Variants in LAMA1 observed in about 807,000 individuals in gnomAD.
LAMA1 encodes laminin subunit alpha 1, also known as laminin subunit alpha-1.
A neutral mutation model predicts 348.7 loss-of-function variants in LAMA1; 219 were observed. The ratio of observed to expected loss-of-function variants is 0.63; its 90% CI spans 0.56 to 0.70. The LOEUF is 0.70. LAMA1 is among the 30% of genes least tolerant of loss of function. The pLI, the probability that LAMA1 is intolerant of heterozygous loss-of-function variation, is 0.00. For synonymous variants in LAMA1, 1,487 were observed against 1,491.0 expected (o/e 1.00, Z 0.06); for missense variants, 3,744 against 3,888.0 (o/e 0.96, Z 0.99).
intron 53 of LAMA1, 96 bp downstream of exon 53, chr18:6,961,490 G>A (rs1390246986): frequency 1.3e-5 from 18 of 1,422,430 alleles, no homozygotes; most frequent in African/African-American, 5.7e-5. Flanking sequence ...CCAGGAACAC[G>A]GTGACAATAA....
chr18:6,970,986 T>G (rs1658620990), intron 48 of LAMA1, among the ~76,000 whole-genome samples: 1 of 152,146 alleles, frequency 6.6e-6, no homozygotes, highest in African/African-American at 2.4e-5. Flanking sequence ...AATGACAAAA[T>G]GAAAAATTCA....
chr18:7,092,744 T>C (rs2058244485), intron 1 of LAMA1, among the ~76,000 whole-genome samples: 1 of 152,110 alleles, frequency 6.6e-6, no homozygotes, highest in Non-Finnish European at 1.5e-5. Context: ...TTGTCAAAAA[T>C]GATCTTTCTC....
intron 55 of LAMA1, chr18:6,956,981 C>T (rs2057581993): frequency 5.4e-6 from 3 of 557,862 alleles, no homozygotes; most frequent in East Asian, 3.5e-5. Flanking sequence ...TGGCACCCAG[C>T]CTAGCATATC....
At chr18:7,042,390 T>G in intron 8 of LAMA1, 140 bp from the exon 9 acceptor site, 1 of 663,988 alleles carries the variant, frequency 1.5e-6, no homozygotes, top group East Asian at 2.9e-5. Flanking sequence ...GGGTTAGGTT[T>G]GAGGAAGATA....
chr18:7,098,400 T>G (rs1404530926), intron 1 of LAMA1, among the ~76,000 whole-genome samples: 1 of 146,264 alleles, frequency 6.8e-6, no homozygotes, highest in Non-Finnish European at 1.5e-5. Context: ...ACCTAGGAAG[T>G]GAGGAGCACC....
At chr18:7,006,061 C>T (rs867074158) in intron 29 of LAMA1, among the ~76,000 whole-genome samples, 26 of 152,264 alleles carry the variant, frequency 1.7e-4, no homozygotes, top group African/African-American at 5.5e-4. Context: ...TTACCCAAGG[C>T]GAGTTAATCT....
chr18:7,082,348 G>A (rs1306627229), intron 1 of LAMA1, among the ~76,000 whole-genome samples: 1 of 151,792 alleles, frequency 6.6e-6, no homozygotes, highest in Non-Finnish European at 1.5e-5. Context: ...TCATATCCCT[G>A]TAAAGGGACT....
At chr18:7,055,249 G>T (rs568509706) in intron 3 of LAMA1, among the ~76,000 whole-genome samples, 1 of 151,742 alleles carries the variant, frequency 6.6e-6, no homozygotes, top group East Asian at 1.9e-4. Context: ...TCAGGAGTTC[G>T]AGACCAGCCT....
intron 27 of LAMA1, among the ~76,000 whole-genome samples, 173 bp downstream of exon 27, chr18:7,009,065 TA>T: frequency 6.6e-6 from 1 of 152,218 alleles, no homozygotes; most frequent in Non-Finnish European, 1.5e-5. Flanking sequence ...GTGGATACTT[TA>T]AGTTATAATT....
At chr18:7,097,905 G>C (rs1242364615) in intron 1 of LAMA1, among the ~76,000 whole-genome samples, 1 of 149,770 alleles carries the variant, frequency 6.7e-6, no homozygotes, top group African/African-American at 2.4e-5. Context: ...TCCCTCTCAT[G>C]CTGAGCCGAA....
chr18:7,049,773 G>A (rs2058055548), intron 4 of LAMA1, among the ~76,000 whole-genome samples: 1 of 152,094 alleles, frequency 6.6e-6, no homozygotes, highest in South Asian at 2.1e-4. Flanking sequence ...TCAGTTTATT[G>A]AAGGTATCTA....
chr18:6,947,692 T>C (rs995734588), intron 60 of LAMA1, among the ~76,000 whole-genome samples: 11 of 152,156 alleles, frequency 7.2e-5, no homozygotes, highest in African/African-American at 2.7e-4. Flanking sequence ...TCTGTGTACT[T>C]GTGGGAATCA....
rs556608184 is a variant in LAMA1, at chr18:6,949,499, T to A, written c.8398-240A>T. Among the ~76,000 whole-genome samples the A allele has an allele frequency of 1.4e-4, 22 of 152,292 alleles. 1 individual carries two copies. In the East Asian group the frequency reaches 4.2e-3, roughly 29 times the overall value. ...CTGTAACAGTGAAAGAAATCTGACA[T>A]AGAAAAATGACAGCAAGAGGAATCT... is the stretch of plus-strand genomic sequence containing the variant. On this transcript the variant is annotated intron_variant, in intron 58 of 62. Transcript: ENST00000389658.
intron 58 of LAMA1, among the ~76,000 whole-genome samples, chr18:6,950,059 G>A (rs1278654657): frequency 6.6e-6 from 1 of 152,094 alleles, no homozygotes; most frequent in African/African-American, 2.4e-5. Context: ...ACTGGCATTT[G>A]AGATATTTTT....
At position 7,049,184 on chromosome 18, in the gene LAMA1, G is replaced by A. The variant is rs1242933232; in HGVS notation, c.662C>T (p.Ala221Val). 1 of 1,614,148 alleles carries A rather than the reference G, an allele frequency of 6.2e-7. No individual in the cohort carries two copies. Among genetic ancestry groups the A allele is most frequent in the Non-Finnish European group, 8.5e-7 (1 of 1,179,986 alleles). ...TTGCAAGCGAAGGCGAATATATCGTGCAGAAGTGAATTCCAACAACTTGGG... is the reference window on the plus strand; with the variant it reads ...TTGCAAGCGAAGGCGAATATATCGTACAGAAGTGAATTCCAACAACTTGGG... ...LSPKLLEFTSARYIRLRLQRI... is the reference protein window; with the variant it reads ...LSPKLLEFTSVRYIRLRLQRI... Residue 221 changes from alanine (A) to valine (V), a missense_variant, in exon 5 of 63, where the codon GCA becomes GTA. This residue lies in a region of LAMA1 where 1,529 missense variants were observed against 1,689.4 expected (regional missense o/e 0.91). Transcript: ENST00000389658.
At chr18:6,970,068 G>A (rs958855511) in intron 48 of LAMA1, among the ~76,000 whole-genome samples, 2 of 152,176 alleles carry the variant, frequency 1.3e-5, no homozygotes, top group African/African-American at 4.8e-5. Context: ...GAGTCTAGGG[G>A]TCGGGGTGTT....
chr18:6,951,089 G>A (rs1452171799), intron 57 of LAMA1, 118 bp from the exon 58 acceptor site: 4 of 870,692 alleles, frequency 4.6e-6, no homozygotes, highest in South Asian at 2.9e-5. Context: ...AGGAGAGAGG[G>A]GTATTCATTC....
At chr18:6,993,995 T>C (rs969478782) in intron 34 of LAMA1, among the ~76,000 whole-genome samples, 5 of 152,210 alleles carry the variant, frequency 3.3e-5, no homozygotes, top group Admixed American at 1.3e-4. Context: ...GGTATGTTTT[T>C]AAAAGCAGGC....
Position 6,985,717 on chromosome 18 carries a change from C to T in LAMA1, c.5380-74G>A, listed in dbSNP as rs565712933. 8.0e-4 allele frequency: 731 copies of T among 908,344 alleles called. 7 individuals carry two copies. In the South Asian group the frequency reaches 8.9e-3, roughly 11 times the overall value. The allele number at this position is 908,344 out of a possible 1,614,324, so 56.3% of individuals were successfully genotyped here. ...TTCTGACCTTTGGTGCCTAATGCTA[C>T]GTGCAGAAGTTAGTGCATGGGACTC... On this transcript the variant is annotated intron_variant, in intron 37 of 62. Coordinates refer to ENST00000389658, the MANE Select transcript of LAMA1 (RefSeq NM_005559.4).
Sources: gnomAD v4.1 joint callset for allele counts (sites outside exome capture counted in the v4.1 genomes callset) on GRCh38, gnomAD v4.1.1 for gene constraint, gnomAD v4.1.1 regional missense constraint, MANE v1.5 for transcripts, NCBI Gene and HGNC (gene_info 2026-07-23, HGNC 2026-07-21) for gene names.